PACRG: variants seen among roughly 807,000 people sequenced by gnomAD.
The protein encoded by PACRG is parkin coregulated gene protein.
PACRG carries 29 observed loss-of-function variants against 29.7 expected under a neutral mutation model. The ratio of observed to expected loss-of-function variants is 0.98; its 90% CI spans 0.73 to 1.33. The LOEUF is 1.33. Ranked by LOEUF, PACRG falls within the 40% of genes most tolerant of loss-of-function variation. PACRG has a pLI of 0.00. For missense variants in PACRG, 279 were observed against 316.2 expected, an observed-to-expected ratio of 0.88 and a Z score of 0.89; for synonymous variants, 116 against 118.7, an observed-to-expected ratio of 0.98 and a Z score of 0.15.
chr6:163,062,911 G>C (rs1811213915), intron 3 of PACRG, among the ~76,000 whole-genome samples: 1 of 152,128 alleles, frequency 6.6e-6, no homozygotes, highest in Non-Finnish European at 1.5e-5. Context: ...CCTTGGACTG[G>C]TTGTCTAAGA....
intron 2 of PACRG, among the ~76,000 whole-genome samples, chr6:163,028,236 T>G (rs893720388): frequency 3.3e-5 from 5 of 152,218 alleles, no homozygotes; most frequent in Non-Finnish European, 2.9e-5. Flanking sequence ...CTGAAAGAAA[T>G]GTATCCTATA....
At chr6:162,771,528 G>T (rs1273743773) in intron 1 of PACRG, among the ~76,000 whole-genome samples, 1 of 152,172 alleles carries the variant, frequency 6.6e-6, no homozygotes, top group Non-Finnish European at 1.5e-5. Context: ...CTTCAGTGCA[G>T]CATCCACTAC....
chr6:162,872,995 G>A (rs1792958275), intron 2 of PACRG, among the ~76,000 whole-genome samples: 1 of 152,118 alleles, frequency 6.6e-6, no homozygotes, highest in South Asian at 2.1e-4. Context: ...CAGTTAAGAA[G>A]TAAAAGTTAC....
intron 4 of PACRG, among the ~76,000 whole-genome samples, chr6:163,308,956 T>C (rs145944991): frequency 1.3e-5 from 2 of 152,234 alleles, no homozygotes; most frequent in African/African-American, 4.8e-5. Context: ...TGAAATTTTT[T>C]AGTTCAGCAT....
At chr6:162,849,305 G>A (rs941742765) in intron 2 of PACRG, among the ~76,000 whole-genome samples, 6 of 152,144 alleles carry the variant, frequency 3.9e-5, no homozygotes, top group African/African-American at 7.2e-5. Flanking sequence ...GCAATAAGAC[G>A]AGCACGGAGA....
intron 1 of PACRG, among the ~76,000 whole-genome samples, chr6:162,792,751 G>A (rs1028006479): frequency 1.3e-5 from 2 of 152,194 alleles, no homozygotes; most frequent in Non-Finnish European, 2.9e-5. Flanking sequence ...AGACAGGGAA[G>A]GGTATGCAAA....
chr6:163,029,076 TAG>T (rs1369845692), intron 2 of PACRG, among the ~76,000 whole-genome samples: 1 of 152,062 alleles, frequency 6.6e-6, no homozygotes, highest in East Asian at 1.9e-4. Flanking sequence ...AGGTCTCAGT[TAG>T]AGAGAGGAGA....
intron 2 of PACRG, among the ~76,000 whole-genome samples, chr6:162,867,618 C>G (rs1413108162): frequency 6.6e-6 from 1 of 152,176 alleles, no homozygotes; most frequent in East Asian, 1.9e-4. Context: ...AGATATTTTC[C>G]AAACGAAAAG....
At chr6:163,090,422 A>G (rs576890656) in intron 4 of PACRG, 3 of 152,308 alleles carry the variant, frequency 2.0e-5, no homozygotes, top group Non-Finnish European at 4.4e-5. Flanking sequence ...ATAGGAGCTT[A>G]CAAATGCCTG....
At chr6:162,826,915 G>C (rs1156681898) in intron 2 of PACRG, among the ~76,000 whole-genome samples, 1 of 152,124 alleles carries the variant, frequency 6.6e-6, no homozygotes, top group East Asian at 1.9e-4. Flanking sequence ...TCCATTTGCA[G>C]TAAGTTGCAT....
At chr6:162,811,818 G>A (rs1370563833) in intron 1 of PACRG, among the ~76,000 whole-genome samples, 1 of 152,096 alleles carries the variant, frequency 6.6e-6, no homozygotes, top group Non-Finnish European at 1.5e-5. Context: ...TATCTGAAAT[G>A]CTTGGGATTC....
chr6:162,873,139 G>A (rs1226742640), intron 2 of PACRG, among the ~76,000 whole-genome samples: 1 of 152,192 alleles, frequency 6.6e-6, no homozygotes, highest in Non-Finnish European at 1.5e-5. Context: ...TTATTTATAC[G>A]TATGAGATGT....
At chr6:163,273,115 G>T (rs866653785) in intron 4 of PACRG, among the ~76,000 whole-genome samples, 1 of 146,088 alleles carries the variant, frequency 6.8e-6, no homozygotes, top group Admixed American at 6.7e-5. Context: ...GGATGGTCTC[G>T]ATCTCCTGAC....
intron 3 of PACRG, among the ~76,000 whole-genome samples, chr6:163,084,454 G>A (rs758243885): frequency 6.6e-6 from 1 of 152,110 alleles, no homozygotes; most frequent in Admixed American, 6.6e-5. Flanking sequence ...AAGAGAAAAT[G>A]GGCAGTGTAA....
At chr6:162,931,224 T>C (rs1272354198) in intron 2 of PACRG, among the ~76,000 whole-genome samples, 1 of 151,902 alleles carries the variant, frequency 6.6e-6, no homozygotes, top group Non-Finnish European at 1.5e-5. Context: ...TTCAACTTCT[T>C]TATCAGATGT....
chr6:162,955,516 G>A (rs898868904), intron 2 of PACRG, among the ~76,000 whole-genome samples: 2 of 152,154 alleles, frequency 1.3e-5, no homozygotes, highest in Non-Finnish European at 2.9e-5. Flanking sequence ...GGCCAGGCTG[G>A]TCTTGAACTC....
rs1790667404 is a variant in PACRG at position 162,849,279 on chromosome 6, G to A, written c.291+34998G>A. 1.3e-5 allele frequency among the ~76,000 whole-genome samples: 2 copies of A among 152,210 alleles called. 1 individual carries two copies. The highest frequency in any genetic ancestry group is 4.1e-4 in the South Asian group (2 of 4,838). Reference sequence around the variant, plus strand: ...TAAAGGAGTGGGGAATATCACACAAGCAGACAAGTCCGTGTGCAATAAGAC... The same window carrying A: ...TAAAGGAGTGGGGAATATCACACAAACAGACAAGTCCGTGTGCAATAAGAC... On this transcript the variant is annotated intron_variant, in intron 2 of 4. Coordinates refer to ENST00000366888, the MANE Select transcript of PACRG (RefSeq NM_001080379.2).
In PACRG at chr6:163,079,646, T is replaced by G. The variant is rs150834240; in HGVS notation, c.464-9613T>G. Reference sequence around the variant, plus strand: ...TCCTAGGAGCTCCCGAATCACCTGCTTAAATAATCAGTCCTAGAATCACAG... The same window carrying G: ...TCCTAGGAGCTCCCGAATCACCTGCGTAAATAATCAGTCCTAGAATCACAG... On this transcript the variant is annotated intron_variant, in intron 3 of 4. Transcript: ENST00000366888. Among the ~76,000 whole-genome samples the G allele has an allele frequency of 3.3e-3, 503 of 152,212 alleles. 2 individuals are homozygous for G. Among genetic ancestry groups the G allele is most frequent in the African/African-American group, 0.011 (476 of 41,520 alleles).
chr6:163,195,157 C>G (rs1026100559), intron 4 of PACRG, among the ~76,000 whole-genome samples: 2 of 152,178 alleles, frequency 1.3e-5, no homozygotes, highest in Non-Finnish European at 2.9e-5. Context: ...CCTCTTTATC[C>G]CCCCATAACA....
Sources: gnomAD v4.1 joint callset for allele counts (sites outside exome capture counted in the v4.1 genomes callset) on GRCh38, gnomAD v4.1.1 for gene constraint, MANE v1.5 for transcripts, NCBI Gene and HGNC (gene_info 2026-07-23, HGNC 2026-07-21) for gene names.